The following TET3 variants were observed in gnomAD, a reference collection of about 807,000 sequenced individuals.
TET3 encodes the protein tet methylcytosine dioxygenase 3, also known as methylcytosine dioxygenase TET3.
In TET3, 19 loss-of-function variants were observed where a neutral mutation model predicts 141.4. The observed-to-expected ratio is 0.13, with a 90% CI of 0.09 to 0.20. The LOEUF is 0.20. TET3 is among the 10% of genes least tolerant of loss of function. The pLI is 1.00. For synonymous variants in TET3, 1,043 were observed against 980.9 expected, an observed-to-expected ratio of 1.06 and a Z score of -1.18; for missense variants, 1,874 against 2,356.9, an observed-to-expected ratio of 0.80 and a Z score of 4.24.
At chr2:74,083,501 G>T (rs1689949468) in intron 6 of TET3, among the ~76,000 whole-genome samples, 1 of 152,206 alleles carries the variant, frequency 6.6e-6, no homozygotes, top group Non-Finnish European at 1.5e-5. Context: ...TTGGTCTGGT[G>T]CTCAGGGAAT....
At chr2:74,026,486 G>T (rs1045461030) in intron 3 of TET3, among the ~76,000 whole-genome samples, 2 of 152,092 alleles carry the variant, frequency 1.3e-5, no homozygotes, top group Non-Finnish European at 2.9e-5. Context: ...GCCTGTTCTC[G>T]GACCTAAGGA....
chr2:74,127,310 C>G, the TET3 span, among the ~76,000 whole-genome samples: 1 of 152,152 alleles, frequency 6.6e-6, no homozygotes, highest in Non-Finnish European at 1.5e-5. Context: ...TAATTTACAA[C>G]TATGTAATTC....
rs1468421876 is a variant in TET3, at chr2:74,046,257, C to T, written c.361-21C>T. 2 of 1,400,056 alleles carry T rather than the reference C, an allele frequency of 1.4e-6. No homozygotes were observed. The highest frequency in any genetic ancestry group is 2.3e-5 in the African/African-American group (1 of 43,754). 86.7% of individuals were successfully genotyped at this position (1,400,056 alleles called of 1,614,324 possible). ...AGTGTGGTTCATTTTTTTCCTTTTTCCCCCTTCTCTCTCTCTTTAGACAGG... is the reference window on the plus strand; with the variant it reads ...AGTGTGGTTCATTTTTTTCCTTTTTTCCCCTTCTCTCTCTCTTTAGACAGG... On this transcript the variant is annotated intron_variant, in intron 3 of 11. Transcript: ENST00000409262. This position sits in a 1 kb window ranked among gnomAD's most constrained non-coding sequence, Gnocchi z 4.3.
At chr2:74,072,308 T>C (rs568322911) in intron 4 of TET3, among the ~76,000 whole-genome samples, 1 of 152,210 alleles carries the variant, frequency 6.6e-6, no homozygotes, top group Admixed American at 6.5e-5. Flanking sequence ...AGGTCAGGAG[T>C]TCGAGACCAG....
intron 3 of TET3, among the ~76,000 whole-genome samples, chr2:74,013,340 T>C (rs1685568436): frequency 6.6e-6 from 1 of 152,094 alleles, no homozygotes; most frequent in Non-Finnish European, 1.5e-5. Flanking sequence ...TTTATTAACA[T>C]AGGAGTTTTG....
At chr2:74,063,468 T>C (rs758462539) in intron 4 of TET3, among the ~76,000 whole-genome samples, 1 of 152,248 alleles carries the variant, frequency 6.6e-6, no homozygotes, top group Non-Finnish European at 1.5e-5. Context: ...CATTAGGGAT[T>C]GCAAACTGAT....
In TET3 at chr2:74,047,045, C is replaced by T. The variant is rs749365132; in HGVS notation, c.1128C>T (p.Ser376=). ...LSSALPQPSH[S]TPQASCPLPE... is the part of the protein sequence containing the mutation. ...CTGCCCTCCCGCAGCCTTCTCATTCCACCCCCCAGGCTTCTTGCCCCCTTC... is the reference window on the plus strand; with the variant it reads ...CTGCCCTCCCGCAGCCTTCTCATTCTACCCCCCAGGCTTCTTGCCCCCTTC... The change falls in exon 4 of 12, where the codon TCC becomes TCT. Residue 376 remains serine (S), a synonymous_variant. Transcript: ENST00000409262. 113 of 1,614,022 alleles carry T rather than the reference C, an allele frequency of 7.0e-5. 2 individuals carry two copies. In the South Asian group the frequency reaches 1.2e-3, roughly 17 times the overall value.
intron 2 of TET3, among the ~76,000 whole-genome samples, chr2:74,001,054 G>A (rs1188151864): frequency 1.3e-5 from 2 of 152,120 alleles, no homozygotes; most frequent in African/African-American, 2.4e-5. Context: ...CAAAGTTGAG[G>A]GGCACAGAAA....
In TET3 at chr2:74,047,756, G is replaced by A. The variant is rs1439913461; in HGVS notation, c.1839G>A (p.Arg613=). The change falls in exon 4 of 12, where the codon AGG becomes AGA. Residue 613 remains arginine, a synonymous_variant. Transcript: ENST00000409262. ...AGCCCATTCAGATCAAGAAGTCCAGGCCCCGGGAAGCACAGCCCCTCTTCC... is the reference window on the plus strand; with the variant it reads ...AGCCCATTCAGATCAAGAAGTCCAGACCCCGGGAAGCACAGCCCCTCTTCC... ...VRKPIQIKKS[R]PREAQPLFPP... 1.2e-6 allele frequency: 2 copies of A among 1,613,730 alleles called. No homozygotes were observed. The highest frequency in any genetic ancestry group is 1.7e-6 in the Non-Finnish European group (2 of 1,179,804).
At chr2:74,003,448 A>T (rs1287697669) in intron 3 of TET3, among the ~76,000 whole-genome samples, 1 of 136,496 alleles carries the variant, frequency 7.3e-6, no homozygotes, top group African/African-American at 3.1e-5. Flanking sequence ...TTTCTTTTTA[A>T]GACATGCAAC....
At chr2:74,111,780 G>A (rs1691711152), downstream of TET3, among the ~76,000 whole-genome samples, 1 of 152,194 alleles carries the variant, frequency 6.6e-6, no homozygotes, top group Admixed American at 6.5e-5. Flanking sequence ...CAACCCAGGT[G>A]TATTTGGTGC....
intron 4 of TET3, among the ~76,000 whole-genome samples, chr2:74,058,078 G>A (rs1247008038): frequency 6.6e-6 from 1 of 152,176 alleles, no homozygotes; most frequent in African/African-American, 2.4e-5. Context: ...AAGAAGTTGT[G>A]AGAGTTATGG....
chr2:74,054,156 T>A (rs1467994276), intron 4 of TET3, among the ~76,000 whole-genome samples: 1 of 151,748 alleles, frequency 6.6e-6, no homozygotes, highest in African/African-American at 2.4e-5. Flanking sequence ...GATGAAAGAT[T>A]GGGAGTGGCT....
chr2:74,066,445 A>G lies in TET3; in HGVS notation c.2495-7104A>G, dbSNP rs185782339. On this transcript the variant is annotated intron_variant, in intron 4 of 11. Transcript: ENST00000409262. ...CACAGAAGATTATAGTATCTGTAAT[A>G]TATATCTTCATATAACATATATGAG... 7.2e-5 allele frequency among the ~76,000 whole-genome samples: 11 copies of G among 152,384 alleles called. No individual in the cohort carries two copies. In the East Asian group the frequency reaches 2.1e-3, roughly 29 times the overall value.
At chr2:74,014,386 C>G (rs986313363) in intron 3 of TET3, among the ~76,000 whole-genome samples, 3 of 152,092 alleles carry the variant, frequency 2.0e-5, no homozygotes, top group Non-Finnish European at 4.4e-5. Context: ...CCCGATTTAG[C>G]CTGACCACCC....
At chr2:74,071,987 T>C (rs1689232406) in intron 4 of TET3, among the ~76,000 whole-genome samples, 1 of 152,214 alleles carries the variant, frequency 6.6e-6, no homozygotes, top group Non-Finnish European at 1.5e-5. Context: ...CAGTGGCATT[T>C]AGTACATTCA....
rs1687713510 is a variant in TET3 at position 74,047,659 on chromosome 2, A to G, written c.1742A>G (p.Lys581Arg). ...PDRPPKEKKKKLPTPAGGPVG... is the reference protein window; with the variant it reads ...PDRPPKEKKKRLPTPAGGPVG... ...AGACCACCCAAGGAGAAGAAGAAGA[A>G]GCTCCCAACACCAGCTGGAGGTCCC... is the stretch of plus-strand genomic sequence containing the variant. Residue 581 changes from lysine (K) to arginine (R), a missense_variant, in exon 4 of 12, where the codon AAG becomes AGG. Lys to Arg is a conservative substitution (Grantham distance 26). This residue lies in a region of TET3 where 484 missense variants were observed against 462.2 expected (regional missense o/e 1.05). Coordinates refer to ENST00000409262, the MANE Select transcript of TET3 (RefSeq NM_001287491.2). 6.2e-7 allele frequency: 1 copy of G among 1,613,370 alleles called. No homozygotes were observed.
At position 74,093,683 on chromosome 2, in the gene TET3, T is replaced by C; in HGVS notation, c.3267+17T>C. 6.4e-7 allele frequency: 1 copy of C among 1,566,298 alleles called. No individual in the cohort carries two copies. The highest frequency in any genetic ancestry group is 8.7e-7 in the Non-Finnish European group (1 of 1,151,640). On this transcript the variant is annotated intron_variant, in intron 10 of 11. Coordinates refer to ENST00000409262, the MANE Select transcript of TET3 (RefSeq NM_001287491.2). The surrounding 1 kb of genome is among the most constrained non-coding windows in gnomAD (Gnocchi z 4.2). ...TGCACCGTGGTAAGCCTGTGCCCTG[T>C]CATAGCCCCACCTGTGGGGCAACTG...
intron 4 of TET3, among the ~76,000 whole-genome samples, chr2:74,050,782 G>T (rs1354217812): frequency 6.6e-6 from 1 of 151,938 alleles, no homozygotes; most frequent in Non-Finnish European, 1.5e-5. Flanking sequence ...AAACTCCTGG[G>T]CTCAAGCGAT....
Sources: gnomAD v4.1 joint callset for allele counts (sites outside exome capture counted in the v4.1 genomes callset) on GRCh38, gnomAD v4.1.1 for gene constraint, gnomAD v4.1.1 regional missense constraint, Gnocchi (gnomAD v3.1) non-coding constraint, MANE v1.5 for transcripts, NCBI Gene and HGNC (gene_info 2026-07-23, HGNC 2026-07-21) for gene names.